The following SLCO1B1 variants were observed in gnomAD, a reference collection of about 807,000 sequenced individuals.
SLCO1B1 encodes the protein OATP-2.
A neutral mutation model predicts 70.1 loss-of-function variants in SLCO1B1; 81 were observed. The ratio of observed to expected loss-of-function variants is 1.16; its 90% CI spans 0.97 to 1.39. SLCO1B1 has a LOEUF of 1.39. Ranked by LOEUF, SLCO1B1 falls within the 40% of genes most tolerant of loss-of-function variation. The pLI is 0.00. For synonymous variants in SLCO1B1, 283 were observed against 271.5 expected, an observed-to-expected ratio of 1.04 and a Z score of -0.42; for missense variants, 895 against 799.6, an observed-to-expected ratio of 1.12 and a Z score of -1.44.
At chr12:21,156,266 ACT>A (rs1940541187) in intron 2 of SLCO1B1, among the ~76,000 whole-genome samples, 1 of 152,186 alleles carries the variant, frequency 6.6e-6, no homozygotes, top group African/African-American at 2.4e-5. Context: ...TGATTTTGAA[ACT>A]CTACCATATT....
At chr12:21,192,250 T>C (rs940836763) in intron 7 of SLCO1B1, among the ~76,000 whole-genome samples, 2 of 152,044 alleles carry the variant, frequency 1.3e-5, no homozygotes, top group African/African-American at 4.8e-5. Context: ...CCTAAGTTTT[T>C]TGTTGAGAAG....
At chr12:21,168,661 G>C (rs898213320) in intron 2 of SLCO1B1, among the ~76,000 whole-genome samples, 3 of 152,078 alleles carry the variant, frequency 2.0e-5, no homozygotes, top group Admixed American at 1.3e-4. Flanking sequence ...CTTTTAATGT[G>C]CTTATTGGCT....
rs182079110 is a variant in SLCO1B1, at chr12:21,187,997, C to G, written c.728-8949C>G. ...AACAAATTGTTATTAGGCAATCTAGCAGAAGGATTCTGATAATTCAAGACT... is the reference window on the plus strand; with the variant it reads ...AACAAATTGTTATTAGGCAATCTAGGAGAAGGATTCTGATAATTCAAGACT... On this transcript the variant is annotated intron_variant, in intron 7 of 14. Coordinates refer to ENST00000256958, the MANE Select transcript of SLCO1B1 (RefSeq NM_006446.5). 1.5e-3 allele frequency among the ~76,000 whole-genome samples: 233 copies of G among 152,222 alleles called. 3 individuals carry two copies. Among genetic ancestry groups the G allele is most frequent in the African/African-American group, 5.6e-3 (231 of 41,534 alleles).
At chr12:21,145,544 C>T (rs1042000875) in intron 2 of SLCO1B1, among the ~76,000 whole-genome samples, 4 of 124,656 alleles carry the variant, frequency 3.2e-5, no homozygotes, top group Non-Finnish European at 6.4e-5. Flanking sequence ...GTCTTAAATT[C>T]CTAGGCTCAA....
At chr12:21,207,057 G>A (rs149894115) in intron 11 of SLCO1B1, among the ~76,000 whole-genome samples, 1 of 152,026 alleles carries the variant, frequency 6.6e-6, no homozygotes, top group African/African-American at 2.4e-5. Flanking sequence ...CCACATCTTA[G>A]TCATGGCAAC....
In SLCO1B1 at chr12:21,224,847, G is replaced by A. The variant is rs752772719; in HGVS notation, c.1865+8G>A. The stretch of plus-strand genomic sequence containing the variant: ...TAATTCCACATCATTTTCGTAAGTT[G>A]TCATAAATATATTTCATTATTTTTT... On this transcript the variant is annotated splice_region_variant and intron_variant, in intron 14 of 14. Coordinates refer to ENST00000256958, the MANE Select transcript of SLCO1B1 (RefSeq NM_006446.5). The A allele has an allele frequency of 1.4e-6, 2 of 1,432,560 alleles. No individual in the cohort carries two copies. The highest frequency in any genetic ancestry group is 1.2e-5 in the South Asian group (1 of 83,362). 88.7% of individuals were successfully genotyped at this position (1,432,560 alleles called of 1,614,324 possible).
intron 5 of SLCO1B1, 65 bp downstream of exon 5, chr12:21,176,962 ATTG>A (rs1375566490): frequency 6.4e-6 from 8 of 1,259,556 alleles, no homozygotes; most frequent in African/African-American, 2.9e-5. Context: ...ATCTCTAAAA[ATTG>A]TTGTGATATT....
At chr12:21,217,337 A>C in intron 12 of SLCO1B1, 34 bp downstream of exon 12, 1 of 1,529,208 alleles carries the variant, frequency 6.5e-7, no homozygotes, top group Non-Finnish European at 9.1e-7. Flanking sequence ...TTTCATATGC[A>C]TGAGACTATA....
intron 7 of SLCO1B1, among the ~76,000 whole-genome samples, chr12:21,189,269 C>G (rs1423793403): frequency 6.6e-6 from 1 of 152,086 alleles, no homozygotes; most frequent in African/African-American, 2.4e-5. Flanking sequence ...CTTGCAAACA[C>G]TTTCTTTCTT....
intron 2 of SLCO1B1, among the ~76,000 whole-genome samples, chr12:21,162,367 T>C (rs1326524944): frequency 6.6e-6 from 1 of 152,198 alleles, no homozygotes; most frequent in Non-Finnish European, 1.5e-5. Flanking sequence ...ATTACAAAGA[T>C]ATTCATTGAT....
intron 14 of SLCO1B1, among the ~76,000 whole-genome samples, chr12:21,230,815 GCTTT>G (rs1247794505): frequency 6.6e-6 from 1 of 152,014 alleles, no homozygotes; most frequent in Non-Finnish European, 1.5e-5. Context: ...TTAATTTGAT[GCTTT>G]CTTTTTTATT....
At chr12:21,144,822 A>G (rs1434943549) in intron 2 of SLCO1B1, among the ~76,000 whole-genome samples, 1 of 152,204 alleles carries the variant, frequency 6.6e-6, no homozygotes, top group Admixed American at 6.5e-5. Context: ...ACTAAGCTTC[A>G]TAAGTAAAGA....
intron 11 of SLCO1B1, among the ~76,000 whole-genome samples, chr12:21,208,155 T>C (rs1459995137): frequency 6.6e-6 from 1 of 152,042 alleles, no homozygotes; most frequent in Non-Finnish European, 1.5e-5. Flanking sequence ...TATATCCCAC[T>C]TGTCCATTTT....
chr12:21,145,559 T>C (rs1356582894), intron 2 of SLCO1B1, among the ~76,000 whole-genome samples: 1 of 134,612 alleles, frequency 7.4e-6, no homozygotes, highest in African/African-American at 2.7e-5. Context: ...GCTCAAGCAA[T>C]CAGCCCGCCT....
Position 21,239,005 on chromosome 12 carries a change from T to G in SLCO1B1, c.1892T>G (p.Met631Arg), listed in dbSNP as rs1941621144. Residue 631 changes from methionine (M) to arginine (R), a missense_variant, in exon 15 of 15, where the codon ATG becomes AGG. Physicochemically the swap from Met to Arg is moderately conservative, Grantham distance 91. Coordinates refer to ENST00000256958, the MANE Select transcript of SLCO1B1 (RefSeq NM_006446.5). Reference sequence around the variant, plus strand: ...AGGGTCTACTTGGGCTTGTCTTCAATGTTAAGAGTCTCATCACTTGTTTTA... The same window carrying G: ...AGGGTCTACTTGGGCTTGTCTTCAAGGTTAAGAGTCTCATCACTTGTTTTA... ...FSRVYLGLSSMLRVSSLVLYI... is the reference protein window; with the variant it reads ...FSRVYLGLSSRLRVSSLVLYI... The G allele has an allele frequency of 6.3e-7, 1 of 1,580,744 alleles. No individual in the cohort carries two copies. Among genetic ancestry groups the G allele is most frequent in the Non-Finnish European group, 8.7e-7 (1 of 1,152,542 alleles).
intron 14 of SLCO1B1, among the ~76,000 whole-genome samples, chr12:21,231,446 T>C (rs561332896): frequency 6.6e-6 from 1 of 152,202 alleles, no homozygotes; most frequent in African/African-American, 2.4e-5. Context: ...TTCCCAAAAA[T>C]GGTACCTCCT....
intron 1 of SLCO1B1, among the ~76,000 whole-genome samples, chr12:21,136,939 G>GT (rs1174541102): frequency 4.6e-5 from 7 of 152,188 alleles, no homozygotes; most frequent in African/African-American, 1.4e-4. Context: ...TTTCTGCTCT[G>GT]TTTTTTTCTC....
chr12:21,177,479 G>T (rs187841913), intron 5 of SLCO1B1, among the ~76,000 whole-genome samples: 2 of 151,944 alleles, frequency 1.3e-5, no homozygotes, highest in Non-Finnish European at 1.5e-5. Flanking sequence ...ATTGCAAATT[G>T]TACTGCTAAA....
intron 7 of SLCO1B1, among the ~76,000 whole-genome samples, chr12:21,194,215 C>T (rs1941065866): frequency 6.6e-6 from 1 of 151,782 alleles, no homozygotes; most frequent in Non-Finnish European, 1.5e-5. Flanking sequence ...CGGGGTTTCT[C>T]CATGTTGGTC....
Sources: allele counts gnomAD v4.1 joint callset (sites outside exome capture counted in the v4.1 genomes callset), GRCh38; gene constraint gnomAD v4.1.1; transcripts MANE v1.5; gene names NCBI Gene and HGNC (gene_info 2026-07-23, HGNC 2026-07-21).